The following GALK2 variants were observed in gnomAD, a reference collection of about 807,000 sequenced individuals.
GALK2 encodes N-acetylgalactosamine kinase.
In GALK2, 36 loss-of-function variants were observed where a neutral mutation model predicts 52.4. That is an observed-to-expected ratio of 0.69 (90% CI 0.53 to 0.91). GALK2 has a LOEUF of 0.91. Among genes scored for constraint, GALK2 ranks in the 40% least tolerant of loss-of-function variants. GALK2 has a pLI of 0.00. For synonymous variants in GALK2, 176 were observed against 199.1 expected, an observed-to-expected ratio of 0.88 and a Z score of 0.98; for missense variants, 579 against 559.1, an observed-to-expected ratio of 1.04 and a Z score of -0.36.
intron 5 of GALK2, among the ~76,000 whole-genome samples, chr15:49,245,748 A>G (rs535614658): frequency 6.6e-6 from 1 of 152,288 alleles, no homozygotes; most frequent in African/African-American, 2.4e-5. Context: ...TAAAATAGGA[A>G]AAAGTATAAT....
chr15:49,352,667 G>A (rs2042421134), intron 3 of GALK2, among the ~76,000 whole-genome samples: 1 of 152,138 alleles, frequency 6.6e-6, no homozygotes, highest in African/African-American at 2.4e-5. Flanking sequence ...ACTTGCTCCA[G>A]AACATCCTTT....
intron 1 of GALK2, among the ~76,000 whole-genome samples, chr15:49,189,837 A>G (rs1259073762): frequency 6.6e-6 from 1 of 152,098 alleles, no homozygotes; most frequent in East Asian, 1.9e-4. Flanking sequence ...GCAATTTAAA[A>G]CTTAGGAGTT....
Position 49,202,859 on chromosome 15 carries a change from A to G in GALK2, c.142+1609A>G, listed in dbSNP as rs565690516. 9.1e-4 allele frequency among the ~76,000 whole-genome samples: 138 copies of G among 152,164 alleles called. 5 individuals carry two copies. In the South Asian group the frequency reaches 0.027, roughly 30 times the overall value. ...CTTATTTCTCTGCATTCTCTCTAAC[A>G]CTTATTATTTTTTGTCTTTTTGATA... On this transcript the variant is annotated intron_variant, in intron 2 of 9. Coordinates refer to ENST00000560031, the MANE Select transcript of GALK2 (RefSeq NM_002044.4).
rs186791334 is a variant in GALK2, at chr15:49,360,597, C to G, written c.427-6894C>G. Among the ~76,000 whole-genome samples the G allele has an allele frequency of 1.3e-4, 20 of 152,232 alleles. No individual in the cohort carries two copies. The East Asian group carries it at 3.5e-3, about 26-fold the overall frequency. On this transcript the variant is annotated intron_variant, in intron 3 of 3. Coordinates refer to the GALK2 transcript ENST00000558399. ...AGACAAAGTATGAAGGGAGAATTAG[C>G]AGCTCTAAATACATTTTATCCAAGA...
intron 1 of GALK2, among the ~76,000 whole-genome samples, chr15:49,178,960 T>C (rs529941149): frequency 7.2e-5 from 11 of 152,322 alleles, no homozygotes; most frequent in Non-Finnish European, 1.6e-4. Context: ...ATTAATTTGC[T>C]CTTTAACTCT....
At chr15:49,170,035 T>C, upstream of GALK2, 6 of 440,258 alleles carry the variant, frequency 1.4e-5, no homozygotes, top group South Asian at 2.2e-4. Flanking sequence ...TCGCACGTGC[T>C]CTGCGCAGGG....
chr15:49,181,064 CCTTTCCTTCCTTTT>C (rs1253537850), intron 1 of GALK2, among the ~76,000 whole-genome samples: 1 of 119,410 alleles, frequency 8.4e-6, no homozygotes, highest in African/African-American at 3.0e-5. Flanking sequence ...TCCCTCCCTC[CCTTTCCTTCCTTTT>C]CTTTCCTTCC....
rs979383163 is a variant in GALK2 at position 49,292,751 on chromosome 15, C to A, written c.967+214C>A. Among the ~76,000 whole-genome samples, 5 of 152,142 alleles carry A rather than the reference C, an allele frequency of 3.3e-5. No homozygotes were observed. In the East Asian group the frequency reaches 9.6e-4, roughly 29 times the overall value. On this transcript the variant is annotated intron_variant, in intron 8 of 9. Transcript: ENST00000560031. ...GGCAAGGGTGAATGAGACATGATTCCTGTCTTCCAGGGGCTTATAATTCAG... is the reference window on the plus strand; with the variant it reads ...GGCAAGGGTGAATGAGACATGATTCATGTCTTCCAGGGGCTTATAATTCAG...
chr15:49,253,457 T>G (rs2091693664), intron 5 of GALK2, among the ~76,000 whole-genome samples: 1 of 144,066 alleles, frequency 6.9e-6, no homozygotes, highest in Non-Finnish European at 1.6e-5. Context: ...TGAAAGCAAG[T>G]TTATTAAGCA....
intron 8 of GALK2, among the ~76,000 whole-genome samples, chr15:49,295,129 G>T: frequency 6.6e-6 from 1 of 151,858 alleles, no homozygotes; most frequent in Non-Finnish European, 1.5e-5. Flanking sequence ...GCAATTGCTG[G>T]TATCTAGGAG....
At chr15:49,311,518 C>T (rs1157828112) in intron 8 of GALK2, among the ~76,000 whole-genome samples, 4 of 152,174 alleles carry the variant, frequency 2.6e-5, no homozygotes, top group African/African-American at 7.2e-5. Context: ...TTTATAATCT[C>T]GACGTCTTTG....
chr15:49,289,855 A>G (rs1321064603), intron 7 of GALK2, among the ~76,000 whole-genome samples: 1 of 152,120 alleles, frequency 6.6e-6, no homozygotes, highest in Non-Finnish European at 1.5e-5. Context: ...GAGTTTTAGC[A>G]CCATTTATCA....
intron 3 of GALK2, among the ~76,000 whole-genome samples, chr15:49,220,915 T>A (rs901987799): frequency 6.6e-6 from 1 of 152,170 alleles, no homozygotes; most frequent in Non-Finnish European, 1.5e-5. Flanking sequence ...ATTTGTCCAC[T>A]TTTAAATGGG....
At chr15:49,334,878 T>C (rs113308170), downstream of GALK2, among the ~76,000 whole-genome samples, 3,863 of 152,308 alleles carry the variant, frequency 0.025, 91 homozygotes, top group African/African-American at 0.051. Flanking sequence ...TAAAAATTGA[T>C]GGATATTCTC....
chr15:49,367,225 A>G (rs2045358420), intron 3 of GALK2, among the ~76,000 whole-genome samples: 1 of 152,160 alleles, frequency 6.6e-6, no homozygotes, highest in Non-Finnish European at 1.5e-5. Flanking sequence ...TCTTTGGGTT[A>G]ATGTTTGTTT....
intron 2 of GALK2, among the ~76,000 whole-genome samples, chr15:49,212,537 A>G (rs536720364): frequency 6.6e-6 from 1 of 152,012 alleles, no homozygotes; most frequent in African/African-American, 2.4e-5. Context: ...CTTTTCCTCT[A>G]CTAATTCTGC....
chr15:49,172,191 G>C (rs2085150066), intron 1 of GALK2, among the ~76,000 whole-genome samples: 1 of 152,176 alleles, frequency 6.6e-6, no homozygotes, highest in Non-Finnish European at 1.5e-5. Context: ...GTTTGGGGGA[G>C]GATGGTGGTA....
chr15:49,253,187 A>G (rs2091681020), intron 5 of GALK2, among the ~76,000 whole-genome samples: 1 of 144,858 alleles, frequency 6.9e-6, no homozygotes, highest in Non-Finnish European at 1.5e-5. Context: ...TTATATGTGC[A>G]TTCAATTTTA....
At chr15:49,188,707 T>A (rs2086528168) in intron 1 of GALK2, among the ~76,000 whole-genome samples, 1 of 152,220 alleles carries the variant, frequency 6.6e-6, no homozygotes, top group African/African-American at 2.4e-5. Context: ...TATTTGGTTA[T>A]CTTGCTCCTA....
Sources: gnomAD v4.1 joint callset for allele counts (sites outside exome capture counted in the v4.1 genomes callset) on GRCh38, gnomAD v4.1.1 for gene constraint, MANE v1.5 for transcripts, NCBI Gene and HGNC (gene_info 2026-07-23, HGNC 2026-07-21) for gene names.